The following EXOC3 variants were observed in gnomAD, a reference collection of about 807,000 sequenced individuals.
EXOC3 encodes SEC6-like 1.
A neutral mutation model predicts 73.7 loss-of-function variants in EXOC3; 21 were observed. The observed-to-expected ratio is 0.29, with a 90% CI of 0.20 to 0.41. EXOC3 has a LOEUF of 0.41. Among genes scored for constraint, EXOC3 ranks in the 10% least tolerant of loss-of-function variants. EXOC3 has a pLI of 1.00. For synonymous variants in EXOC3, 410 were observed against 389.1 expected, an observed-to-expected ratio of 1.05 and a Z score of -0.63; for missense variants, 842 against 985.1, an observed-to-expected ratio of 0.85 and a Z score of 1.95.
At chr5:463,727 G>A (rs750798238) in intron 9 of EXOC3, among the ~76,000 whole-genome samples, 4 of 152,078 alleles carry the variant, frequency 2.6e-5, no homozygotes, top group Non-Finnish European at 4.4e-5. Context: ...TATACTTTTT[G>A]ACTGAAAAAT....
chr5:462,755 A>G (rs1001169645), intron 9 of EXOC3, among the ~76,000 whole-genome samples: 4 of 152,256 alleles, frequency 2.6e-5, no homozygotes, highest in African/African-American at 7.2e-5. Context: ...TCAGAAACAT[A>G]AAGATGGCTT....
Position 459,425 on chromosome 5 carries a change from T to A in EXOC3, c.1357T>A (p.Leu453Ile). Reference protein sequence around the residue: ...SEDLKTKVLVLCLQQMNSFLS... With the variant: ...SEDLKTKVLVICLQQMNSFLS... The stretch of plus-strand genomic sequence containing the variant: ...AGATTTGAAAACAAAGGTACTAGTT[T>A]TATGTCTTCAGCAGATGAATTCTTT... The change falls in exon 7 of 13, where the codon TTA (leucine) becomes ATA (isoleucine). Residue 453 changes from leucine to isoleucine, a missense_variant. By Grantham distance (5) the Leu-to-Ile change is conservative. Transcript: ENST00000512944. 6.4e-7 allele frequency: 1 copy of A among 1,569,794 alleles called. No individual in the cohort carries two copies. The highest frequency in any genetic ancestry group is 8.7e-7 in the Non-Finnish European group (1 of 1,152,056).
chr5:459,667 G>A (rs553461347), intron 7 of EXOC3: 8 of 440,730 alleles, frequency 1.8e-5, no homozygotes, highest in Non-Finnish European at 2.8e-5. Flanking sequence ...ACCCCCTTGG[G>A]CTCCCAGAGC....
chr5:453,776 C>G lies in EXOC3; in HGVS notation c.771C>G (p.Thr257=). The G allele has an allele frequency of 6.2e-7, 1 of 1,613,932 alleles. No homozygotes were observed. Among genetic ancestry groups the G allele is most frequent in the Non-Finnish European group, 8.5e-7 (1 of 1,179,882 alleles). The change falls in exon 4 of 13, where the codon ACC becomes ACG. Residue 257 remains threonine, a synonymous_variant. Coordinates refer to ENST00000512944, the MANE Select transcript of EXOC3 (RefSeq NM_007277.5). ...TCACCATCTTGGAGAGGACTGTGACCACCAGAATTGAGGGCACACAGGCAG... is the reference window on the plus strand; with the variant it reads ...TCACCATCTTGGAGAGGACTGTGACGACCAGAATTGAGGGCACACAGGCAG... ...KMFTILERTV[T]TRIEGTQADT... is the part of the protein sequence containing the mutation.
At chr5:459,096 G>A (rs1737906148) in intron 6 of EXOC3, among the ~76,000 whole-genome samples, 1 of 152,140 alleles carries the variant, frequency 6.6e-6, no homozygotes, top group Admixed American at 6.5e-5. Context: ...CGTAGTGTGA[G>A]GACAGACATG....
rs758967309 is a variant in EXOC3 at position 446,271 on chromosome 5, C to T, written c.66C>T (p.Arg22=). ...AAAGGGTTGCTGGGATGCTCCAGCG[C>T]CCGGACCAGCTGGACAAGGTGGAGC... ...AVQRVAGMLQ[R]PDQLDKVEQY... Residue 22 remains arginine (R), a synonymous_variant, in exon 2 of 13, where the codon CGC becomes CGT. Coordinates refer to ENST00000512944, the MANE Select transcript of EXOC3 (RefSeq NM_007277.5). 1.2e-5 allele frequency: 19 copies of T among 1,613,736 alleles called. No individual in the cohort carries two copies. The highest frequency in any genetic ancestry group is 2.7e-5 in the African/African-American group (2 of 74,922).
chr5:465,599 C>T lies in EXOC3; in HGVS notation c.1939-119C>T. 3 of 1,293,162 alleles carry T rather than the reference C, an allele frequency of 2.3e-6. No individual in the cohort carries two copies. The South Asian group carries it at 4.2e-5, about 18-fold the overall frequency. 80.1% of individuals were successfully genotyped at this position (1,293,162 alleles called of 1,614,324 possible). On this transcript the variant is annotated intron_variant, in intron 11 of 12. Coordinates refer to ENST00000512944, the MANE Select transcript of EXOC3 (RefSeq NM_007277.5). ...CTGTCACTGAGCTTTCAGAGTAGAT[C>T]CTGAGGAGTCAGGTGAAGAGGGAGG...
At chr5:459,486 G>A (rs1363657746) in intron 7 of EXOC3, 27 bp downstream of exon 7, 4 of 1,225,584 alleles carry the variant, frequency 3.3e-6, no homozygotes, top group Non-Finnish European at 4.6e-6. Flanking sequence ...GTGTGCTAAT[G>A]TACACATTGA....
In EXOC3 at chr5:456,953, C is replaced by A; in HGVS notation, c.1111C>A (p.Leu371Ile). 1 of 1,614,036 alleles carries A rather than the reference C, an allele frequency of 6.2e-7. No homozygotes were observed. Among genetic ancestry groups the A allele is most frequent in the Non-Finnish European group, 8.5e-7 (1 of 1,179,878 alleles). ...EVDVGTLEPL[L>I]SPHVVSELLD... ...GGATGTCGGCACCCTGGAGCCATTGCTTTCTCCACACGTGGTCTCTGAGCT... is the reference window on the plus strand; with the variant it reads ...GGATGTCGGCACCCTGGAGCCATTGATTTCTCCACACGTGGTCTCTGAGCT... Residue 371 changes from leucine (L) to isoleucine (I), a missense_variant, in exon 5 of 13, where the codon CTT becomes ATT. Leu to Ile is a conservative substitution (Grantham distance 5). Coordinates refer to ENST00000512944, the MANE Select transcript of EXOC3 (RefSeq NM_007277.5).
In EXOC3 at chr5:467,028, G is replaced by T. The variant is rs72698512; in HGVS notation, c.*130G>T. Reference sequence around the variant, plus strand: ...GCACGGCCTGTCTTTAGGTGCCAGTGTGATGCACCGGGTGTGCGTCGAGTG... The same window carrying T: ...GCACGGCCTGTCTTTAGGTGCCAGTTTGATGCACCGGGTGTGCGTCGAGTG... On this transcript the variant is annotated 3_prime_UTR_variant, in exon 13 of 13. Coordinates refer to ENST00000512944, the MANE Select transcript of EXOC3 (RefSeq NM_007277.5). The T allele has an allele frequency of 0.17, 164,704 of 949,764 alleles. 16,101 individuals are homozygous for T. Among genetic ancestry groups the T allele is most frequent in the Non-Finnish European group, 0.2 (128,523 of 642,472 alleles). The allele number at this position is 949,764 out of a possible 1,614,324, so 58.8% of individuals were successfully genotyped here.
intron 7 of EXOC3, chr5:459,725 G>GT (rs1317893633): frequency 3.6e-6 from 1 of 279,034 alleles, no homozygotes; most frequent in Non-Finnish European, 6.7e-6. Context: ...CACCAACTCT[G>GT]TTGGAGTCAG....
At chr5:466,192 CTCATGGTGG>C in intron 12 of EXOC3, 1 of 316,310 alleles carries the variant, frequency 3.2e-6, no homozygotes, top group East Asian at 7.3e-5. Context: ...TTCCTCTGTG[CTCATGGTGG>C]ACTCGGGAGG....
rs1579744272 is a variant in EXOC3 at position 462,231 on chromosome 5, G to C, written c.1577G>C (p.Ser526Thr). 1 of 1,614,002 alleles carries C rather than the reference G, an allele frequency of 6.2e-7. No homozygotes were observed. Among genetic ancestry groups the C allele is most frequent in the Non-Finnish European group, 8.5e-7 (1 of 1,179,898 alleles). ...VEEGVSPSQP[S>T]MDGILDAIAK... Reference sequence around the variant, plus strand: ...GAGGGTGTGTCTCCGAGCCAGCCCAGCATGGACGGGATTTTAGACGCCATC... The same window carrying C: ...GAGGGTGTGTCTCCGAGCCAGCCCACCATGGACGGGATTTTAGACGCCATC... Residue 526 changes from serine (S) to threonine (T), a missense_variant, in exon 9 of 13, where the codon AGC (serine) becomes ACC (threonine). By Grantham distance (58) the Ser-to-Thr change is moderately conservative. Transcript: ENST00000512944.
intron 3 of EXOC3, among the ~76,000 whole-genome samples, chr5:450,777 T>G (rs1737639610): frequency 6.6e-6 from 1 of 151,840 alleles, no homozygotes; most frequent in East Asian, 1.9e-4. Flanking sequence ...ACATATGGCC[T>G]TCTTTGTGAC....
At chr5:446,615 G>T (rs10060385) in intron 2 of EXOC3, among the ~76,000 whole-genome samples, 124,882 of 152,226 alleles carry the variant, frequency 0.82, 51,737 homozygotes, top group Non-Finnish European at 0.86. Flanking sequence ...CCAGCACCTC[G>T]GGGAGGCCGA....
Position 459,445 on chromosome 5 carries a change from T to C in EXOC3, c.1377T>C (p.Asn459=), listed in dbSNP as rs1224574392. Residue 459 remains asparagine, a synonymous_variant, in exon 7 of 13, where the codon AAT becomes AAC. Transcript: ENST00000512944. Reference sequence around the variant, plus strand: ...TAGTTTTATGTCTTCAGCAGATGAATTCTTTCCTAAGCAGGTATGTCTTTC... The same window carrying C: ...TAGTTTTATGTCTTCAGCAGATGAACTCTTTCCTAAGCAGGTATGTCTTTC... ...KVLVLCLQQM[N]SFLSRYKDEA... The C allele has an allele frequency of 4.5e-6, 7 of 1,541,212 alleles. No individual in the cohort carries two copies. Among genetic ancestry groups the C allele is most frequent in the Non-Finnish European group, 6.2e-6 (7 of 1,129,848 alleles).
rs1324519987 is a variant in EXOC3 at position 465,185 on chromosome 5, C to T, written c.1851C>T (p.Phe617=). 2 of 1,595,294 alleles carry T rather than the reference C, an allele frequency of 1.3e-6. No individual in the cohort carries two copies. The highest frequency in any genetic ancestry group is 1.7e-6 in the Non-Finnish European group (2 of 1,171,450). ...CGGTCATGCAGAAGCGCATTTCCTT[C>T]CGGAGCCCGGAGGAGCGCAAGGAGG... ...LRAVMQKRIS[F]RSPEERKEGA... is the part of the protein sequence containing the mutation. The change falls in exon 11 of 13, where the codon TTC becomes TTT. Residue 617 remains phenylalanine (F), a synonymous_variant. Transcript: ENST00000512944.
rs1397278298 is a variant in EXOC3, at chr5:447,845, A to G, written c.364+93A>G. The G allele has an allele frequency of 4.6e-5, 39 of 853,630 alleles. 2 individuals are homozygous for G. In the South Asian group the frequency reaches 6.2e-4, roughly 14 times the overall value. The allele number at this position is 853,630 out of a possible 1,614,324, so 52.9% of individuals were successfully genotyped here. ...GTGTGCAGTGTGCTTTGCAGCCCGCACTGTAGACCTGTAGACGGTAAGTGT... is the reference window on the plus strand; with the variant it reads ...GTGTGCAGTGTGCTTTGCAGCCCGCGCTGTAGACCTGTAGACGGTAAGTGT... On this transcript the variant is annotated intron_variant, in intron 3 of 12. Transcript: ENST00000512944.
At chr5:459,892 T>G (rs553036075) in intron 7 of EXOC3, among the ~76,000 whole-genome samples, 44 of 152,138 alleles carry the variant, frequency 2.9e-4, no homozygotes, top group Non-Finnish European at 3.7e-4. Flanking sequence ...TCCCCATGAG[T>G]TGTTGATAAT....
Sources: allele counts gnomAD v4.1 joint callset (sites outside exome capture counted in the v4.1 genomes callset), GRCh38; gene constraint gnomAD v4.1.1; transcripts MANE v1.5; gene names NCBI Gene and HGNC (gene_info 2026-07-23, HGNC 2026-07-21).